Variants in TRDN observed in about 807,000 individuals in gnomAD.
TRDN encodes triadin.
TRDN carries 161 observed loss-of-function variants against 149.7 expected under a neutral mutation model. That is an observed-to-expected ratio of 1.08 (90% CI 0.95 to 1.23). The LOEUF is 1.23. TRDN is among the 50% of genes most tolerant of loss of function. The probability of loss-of-function intolerance (pLI) is 0.00; values close to 1 mark genes in which losing one functional copy is unlikely to be tolerated. For missense variants in TRDN, 896 were observed against 823.5 expected (o/e 1.09, Z -1.08); for synonymous variants, 294 against 250.5 (o/e 1.17, Z -1.64).
intron 33 of TRDN, among the ~76,000 whole-genome samples, chr6:123,263,322 G>A (rs1303686966): frequency 6.6e-6 from 1 of 152,098 alleles, no homozygotes; most frequent in African/African-American, 2.4e-5. Flanking sequence ...AAGGCTGAGA[G>A]AAGTGAGGAA....
At chr6:123,585,258 T>C (rs1159160608) in intron 1 of TRDN, among the ~76,000 whole-genome samples, 6 of 151,600 alleles carry the variant, frequency 4.0e-5, no homozygotes, top group Non-Finnish European at 4.4e-5. Context: ...AGTTAAAGTG[T>C]CTCGGCCTAA....
chr6:123,353,173 T>C (rs1780531504), intron 20 of TRDN, among the ~76,000 whole-genome samples: 1 of 151,822 alleles, frequency 6.6e-6, no homozygotes, highest in Non-Finnish European at 1.5e-5. Context: ...ACAGTACAAA[T>C]GATTCATTTG....
chr6:123,260,417 G>A (rs555745273), intron 34 of TRDN, among the ~76,000 whole-genome samples, 195 bp downstream of exon 34: 20 of 151,914 alleles, frequency 1.3e-4, no homozygotes, highest in African/African-American at 3.9e-4. Flanking sequence ...GTTTGTATGC[G>A]GTAAGAATGG....
chr6:123,351,153 C>T, intron 21 of TRDN: 1 of 984,318 alleles, frequency 1.0e-6, no homozygotes, highest in Non-Finnish European at 1.2e-6. Context: ...CTATAAAACT[C>T]AATGAAATCA....
chr6:123,596,423 G>A (rs1784040902), intron 1 of TRDN, among the ~76,000 whole-genome samples: 1 of 152,068 alleles, frequency 6.6e-6, no homozygotes, highest in Non-Finnish European at 1.5e-5. Context: ...ATGCTGCGAG[G>A]TGTCCAGAAG....
At chr6:123,242,337 GA>G (rs1400368834) in intron 38 of TRDN, among the ~76,000 whole-genome samples, 1 of 151,922 alleles carries the variant, frequency 6.6e-6, no homozygotes, top group African/African-American at 2.4e-5. Context: ...AAGAATGTGG[GA>G]TTTTTTTGCT....
intron 1 of TRDN, among the ~76,000 whole-genome samples, chr6:123,596,253 C>T (rs574083180): frequency 7.9e-5 from 12 of 152,174 alleles, no homozygotes; most frequent in African/African-American, 2.6e-4. Context: ...CAGACCAAGG[C>T]ACTAACTCTC....
chr6:123,322,598 G>A (rs1432187927), intron 23 of TRDN, among the ~76,000 whole-genome samples: 1 of 147,278 alleles, frequency 6.8e-6, no homozygotes, highest in East Asian at 2.0e-4. Flanking sequence ...CCCTGTCCCA[G>A]CTCTTTTTTT....
chr6:123,405,396 T>C (rs1773154266), intron 12 of TRDN, among the ~76,000 whole-genome samples: 1 of 152,258 alleles, frequency 6.6e-6, no homozygotes, highest in South Asian at 2.1e-4. Flanking sequence ...CATCTCAAGA[T>C]GGTCTGAATT....
At chr6:123,258,844 A>G (rs1326697120) in intron 35 of TRDN, among the ~76,000 whole-genome samples, 3 of 152,260 alleles carry the variant, frequency 2.0e-5, no homozygotes, top group Non-Finnish European at 1.5e-5. Flanking sequence ...CAGGGATTCA[A>G]CTTCTTCTGG....
At chr6:123,429,845 C>T (rs1039290939) in intron 12 of TRDN, among the ~76,000 whole-genome samples, 1 of 152,040 alleles carries the variant, frequency 6.6e-6, no homozygotes, top group Non-Finnish European at 1.5e-5. Flanking sequence ...ATTTATCTAA[C>T]GTGTGCAAGA....
chr6:123,246,265 C>G (rs1486359563), intron 38 of TRDN, among the ~76,000 whole-genome samples: 2 of 151,846 alleles, frequency 1.3e-5, no homozygotes, highest in African/African-American at 4.8e-5. Context: ...GATAGAGACA[C>G]AAAAATCCCT....
In TRDN at chr6:123,510,906, A is replaced by G. The variant is rs115111134; in HGVS notation, c.610+1397T>C. 5.0e-3 allele frequency among the ~76,000 whole-genome samples: 759 copies of G among 152,270 alleles called. 7 individuals carry two copies. Among genetic ancestry groups the G allele is most frequent in the African/African-American group, 0.017 (720 of 41,554 alleles). On this transcript the variant is annotated intron_variant, in intron 7 of 40. Transcript: ENST00000334268. ...TGATTCACCGGCCTCGGCCTCCCAG[A>G]GTGCTGGTATTACAGAGGTGAGCCA...
chr6:123,445,373 A>G (rs1248124124), intron 10 of TRDN, among the ~76,000 whole-genome samples: 1 of 133,966 alleles, frequency 7.5e-6, no homozygotes, highest in Admixed American at 7.4e-5. Context: ...AACAAAAGAC[A>G]AAATTGACAA....
At chr6:123,583,662 A>T (rs1025101454) in intron 1 of TRDN, among the ~76,000 whole-genome samples, 2 of 152,020 alleles carry the variant, frequency 1.3e-5, no homozygotes, top group Admixed American at 1.3e-4. Context: ...TAAACTGAGG[A>T]ATTATGTCTG....
chr6:123,244,204 A>G (rs1776093426), intron 38 of TRDN, among the ~76,000 whole-genome samples: 1 of 151,146 alleles, frequency 6.6e-6, no homozygotes, highest in Admixed American at 6.6e-5. Flanking sequence ...AAGGATCACA[A>G]CTCCTCGCCA....
intron 20 of TRDN, among the ~76,000 whole-genome samples, chr6:123,362,070 T>A (rs1277105209): frequency 6.6e-6 from 1 of 152,218 alleles, no homozygotes; most frequent in Admixed American, 6.5e-5. Context: ...TTCATTGTTA[T>A]TAAGAATATT....
intron 5 of TRDN, among the ~76,000 whole-genome samples, chr6:123,524,638 A>G (rs1779857173): frequency 6.6e-6 from 1 of 152,122 alleles, no homozygotes; most frequent in Admixed American, 6.6e-5. Context: ...CAAAAACAAA[A>G]CAAAATTTTA....
rs541903386 is a variant in TRDN, at chr6:123,483,582, C to T, written c.853+13611G>A. ...AAAACACGCCTTGATAAGGCCTGTT[C>T]TAACCACTGTGGCCCTCTCTCTGGA... On this transcript the variant is annotated intron_variant, in intron 9 of 40. Coordinates refer to ENST00000334268, the MANE Select transcript of TRDN (RefSeq NM_006073.4). Among the ~76,000 whole-genome samples the T allele has an allele frequency of 1.3e-4, 20 of 152,316 alleles. No individual in the cohort carries two copies. The South Asian group carries it at 3.5e-3, about 27-fold the overall frequency.
Sources: allele counts gnomAD v4.1 joint callset (sites outside exome capture counted in the v4.1 genomes callset), GRCh38; gene constraint gnomAD v4.1.1; transcripts MANE v1.5; gene names NCBI Gene and HGNC (gene_info 2026-07-23, HGNC 2026-07-21).